The following NEDD4 variants were observed in gnomAD, a reference collection of about 807,000 sequenced individuals.
The protein encoded by NEDD4 is E3 ubiquitin-protein ligase NEDD4.
In NEDD4, 99 loss-of-function variants were observed where a neutral mutation model predicts 144.9. The observed-to-expected ratio is 0.68, with a 90% CI of 0.58 to 0.81. The LOEUF (loss-of-function observed/expected upper bound fraction) is 0.81. Ranked by LOEUF, NEDD4 falls within the 30% of genes least tolerant of loss-of-function variation. NEDD4 has a pLI of 0.00. For missense variants in NEDD4, 985 were observed against 1,065.9 expected (o/e 0.92, Z 1.06); for synonymous variants, 318 against 350.6 (o/e 0.91, Z 1.04).
intron 4 of NEDD4, among the ~76,000 whole-genome samples, chr15:55,939,259 C>T: frequency 6.6e-6 from 1 of 152,102 alleles, no homozygotes. Context: ...CAGTTTCCCC[C>T]ATGCTGTTCT....
At chr15:55,897,224 C>G (rs571445477) in intron 5 of NEDD4, among the ~76,000 whole-genome samples, 1 of 152,276 alleles carries the variant, frequency 6.6e-6, no homozygotes, top group South Asian at 2.1e-4. Context: ...CCGCCCGCCT[C>G]GGCCTCCCAA....
At chr15:55,889,759 G>A (rs532054878) in intron 5 of NEDD4, among the ~76,000 whole-genome samples, 1 of 152,036 alleles carries the variant, frequency 6.6e-6, no homozygotes, top group Non-Finnish European at 1.5e-5. Flanking sequence ...GGAGTGCAGT[G>A]GTGTGATCTC....
Position 55,829,822 on chromosome 15 carries a change from C to A in NEDD4, c.*75G>T. On this transcript the variant is annotated 3_prime_UTR_variant, in exon 29 of 29. Transcript: ENST00000435532. The stretch of plus-strand genomic sequence containing the variant: ...ACTCAGTGGCCACATTTTAGTAGTT[C>A]CCCGGAAAATTTTAAGTCAAGATTT... 2.7e-6 allele frequency: 3 copies of A among 1,094,332 alleles called. No homozygotes were observed. Among genetic ancestry groups the A allele is most frequent in the South Asian group, 1.5e-5 (1 of 65,424 alleles). 67.8% of individuals were successfully genotyped at this position (1,094,332 alleles called of 1,614,324 possible). A position where few individuals can be genotyped will look rare whatever the true frequency, so the allele number is the denominator to read the frequency against.
intron 5 of NEDD4, among the ~76,000 whole-genome samples, chr15:55,907,086 C>T (rs1215914303): frequency 1.3e-5 from 2 of 151,104 alleles, no homozygotes; most frequent in East Asian, 1.9e-4. Context: ...CAGAGCCAGA[C>T]TGTCTCAAAA....
intron 17 of NEDD4, among the ~76,000 whole-genome samples, chr15:55,848,139 A>C (rs1166446707): frequency 6.6e-6 from 1 of 152,252 alleles, no homozygotes; most frequent in African/African-American, 2.4e-5. Context: ...CTGCCTTAGC[A>C]TTCTGACTGT....
At position 55,838,622 on chromosome 15, in the gene NEDD4, CA is replaced by C. The variant is rs1334480869; in HGVS notation, c.2032-19del. The C allele has an allele frequency of 3.9e-6, 6 of 1,552,902 alleles. No individual in the cohort carries two copies. The highest frequency in any genetic ancestry group is 5.3e-6 in the Non-Finnish European group (6 of 1,127,536). Reference sequence around the variant, plus strand: ...TCACTATCCTAGATGGGAAAAATTACATATTTAAAATTTGTATCTATAACAC... The same window carrying C: ...TCACTATCCTAGATGGGAAAAATTACTATTTAAAATTTGTATCTATAACAC... On this transcript the variant is annotated intron_variant, in intron 21 of 28. Coordinates refer to ENST00000435532, the MANE Select transcript of NEDD4 (RefSeq NM_006154.4).
chr15:55,874,988 A>AC (rs1491121209), intron 5 of NEDD4, among the ~76,000 whole-genome samples: 6 of 149,746 alleles, frequency 4.0e-5, no homozygotes, highest in Non-Finnish European at 4.5e-5. Flanking sequence ...GAAAAAAAAA[A>AC]AGGAAATCAA....
At chr15:55,871,923 T>A (rs1244047941) in intron 7 of NEDD4, among the ~76,000 whole-genome samples, 2 of 152,200 alleles carry the variant, frequency 1.3e-5, no homozygotes, top group Non-Finnish European at 2.9e-5. Flanking sequence ...AAACATCAAG[T>A]AACTTTGTTT....
chr15:55,850,655 CCTG>C lies in NEDD4; in HGVS notation c.1231_1233del (p.Gln411del). 6.2e-7 allele frequency: 1 copy of C among 1,614,130 alleles called. No individual in the cohort carries two copies. Among genetic ancestry groups the C allele is most frequent in the African/African-American group, 1.3e-5 (1 of 75,048 alleles). On this transcript the variant is annotated inframe_deletion, in exon 14 of 29. Transcript: ENST00000435532. ...TGCTCAATTTCAGATGGCTGGGTCA[CCTG>C]CTGGCCTGAATCACTGGTGGAGGCT...
chr15:55,971,716 T>G (rs1238210972), intron 1 of NEDD4, among the ~76,000 whole-genome samples: 1 of 151,812 alleles, frequency 6.6e-6, no homozygotes, highest in Non-Finnish European at 1.5e-5. Flanking sequence ...AACAAAGAAC[T>G]TTCTAGGCCT....
At chr15:55,938,086 C>T (rs147818405) in intron 4 of NEDD4, among the ~76,000 whole-genome samples, 1,712 of 152,264 alleles carry the variant, frequency 0.011, 36 homozygotes, top group African/African-American at 0.039. Context: ...GGTGGCCAGG[C>T]GCAGTGGCTC....
rs796153521 is a variant in NEDD4 at position 55,885,117 on chromosome 15, C to T, written c.292-11109G>A. Reference sequence around the variant, plus strand: ...CAGGAAGCAGACTTTTCAGTGGAAACCTTATTACCTTGGAGATAGTGGCAT... The same window carrying T: ...CAGGAAGCAGACTTTTCAGTGGAAATCTTATTACCTTGGAGATAGTGGCAT... On this transcript the variant is annotated intron_variant, in intron 5 of 28. Transcript: ENST00000435532. 1.3e-4 allele frequency among the ~76,000 whole-genome samples: 20 copies of T among 152,266 alleles called. 4 individuals carry two copies. Among genetic ancestry groups the T allele is most frequent in the African/African-American group, 4.8e-4 (20 of 41,566 alleles).
Position 55,842,040 on chromosome 15 carries a change from C to T in NEDD4, c.1732G>A (p.Asp578Asn). ...CCATAATCCAATCCCTTTTCACCAT[C>T]AAACTCAATCCACAGTCGAGCCTTC... Reference protein sequence around the residue: ...FLKARLWIEFDGEKGLDYGGV... With the variant: ...FLKARLWIEFNGEKGLDYGGV... The change falls in exon 19 of 29, where the codon GAT (aspartate) becomes AAT (asparagine). Residue 578 changes from aspartate to asparagine, a missense_variant. Physicochemically the swap from Asp to Asn is conservative, Grantham distance 23. Transcript: ENST00000435532. The T allele has an allele frequency of 6.2e-7, 1 of 1,614,238 alleles. No homozygotes were observed.
chr15:55,980,993 A>G (rs1595887946), intron 1 of NEDD4, among the ~76,000 whole-genome samples: 1 of 152,122 alleles, frequency 6.6e-6, no homozygotes, highest in African/African-American at 2.4e-5. Context: ...AGGTAAAAAC[A>G]AAATATTCAA....
chr15:55,945,660 C>T (rs949957001), intron 4 of NEDD4, among the ~76,000 whole-genome samples: 8 of 152,064 alleles, frequency 5.3e-5, no homozygotes, highest in African/African-American at 1.9e-4. Flanking sequence ...ATACAGATAA[C>T]ACCACAAAGA....
chr15:55,935,083 G>C (rs557016231), intron 4 of NEDD4, among the ~76,000 whole-genome samples: 108 of 152,066 alleles, frequency 7.1e-4, no homozygotes, highest in African/African-American at 2.5e-3. Context: ...GGCCAGACTG[G>C]TTTTGAACTC....
intron 24 of NEDD4, 40 bp downstream of exon 24, chr15:55,837,749 C>G (rs1052304960): frequency 1.3e-6 from 2 of 1,483,282 alleles, no homozygotes; most frequent in Non-Finnish European, 1.9e-6. Flanking sequence ...ATAGGTTATA[C>G]TGTGACATTA....
chr15:55,949,094 A>G, intron 4 of NEDD4, among the ~76,000 whole-genome samples: 1 of 152,204 alleles, frequency 6.6e-6, no homozygotes, highest in East Asian at 1.9e-4. Flanking sequence ...CAAAGAACAC[A>G]AACAAATTTA....
chr15:55,852,150 G>A (rs2034006759), intron 13 of NEDD4, among the ~76,000 whole-genome samples: 1 of 151,894 alleles, frequency 6.6e-6, no homozygotes, highest in Non-Finnish European at 1.5e-5. Flanking sequence ...ACAAAAATTA[G>A]CCAGGTGTGG....
Sources: gnomAD v4.1 joint callset for allele counts (sites outside exome capture counted in the v4.1 genomes callset) on GRCh38, gnomAD v4.1.1 for gene constraint, MANE v1.5 for transcripts, NCBI Gene and HGNC (gene_info 2026-07-23, HGNC 2026-07-21) for gene names.